DEPDC5: variants seen among roughly 807,000 people sequenced by gnomAD.
DEPDC5 encodes the protein DEP domain containing 5, GATOR1 subcomplex subunit, also known as GATOR1 complex protein DEPDC5.
Under a neutral mutation model 217.3 loss-of-function variants are expected in DEPDC5, and 73 were observed. That is an observed-to-expected ratio of 0.34 (90% CI 0.28 to 0.41). The LOEUF (loss-of-function observed/expected upper bound fraction) is 0.41, where lower values mean the gene tolerates loss of function less well. DEPDC5 is among the 10% of genes least tolerant of loss of function. DEPDC5 has a pLI of 1.00. For synonymous variants in DEPDC5, 733 were observed against 756.7 expected (o/e 0.97, Z 0.51); for missense variants, 1,675 against 2,070.1 (o/e 0.81, Z 3.70).
Position 31,819,059 on chromosome 22 carries a change from C to A in DEPDC5, c.1704C>A (p.Asp568Glu). The A allele has an allele frequency of 6.2e-7, 1 of 1,614,212 alleles. No homozygotes were observed. Among genetic ancestry groups the A allele is most frequent in the East Asian group, 2.2e-5 (1 of 44,888 alleles). The change falls in exon 22 of 43, where the codon GAC becomes GAA. Residue 568 changes from aspartate (D) to glutamate (E), a missense_variant. This residue lies in a region of DEPDC5 where 628 missense variants were observed against 762.1 expected (regional missense o/e 0.82). Coordinates refer to ENST00000651528, the MANE Select transcript of DEPDC5 (RefSeq NM_001242896.3). The stretch of plus-strand genomic sequence containing the variant: ...ACATGATGGAGCCACCACAGCGAGA[C>A]TCCAGTGCACCAGGGAGGTTTCACG... The part of the protein sequence containing the change: ...LENMMEPPQR[D>E]SSAPGRFHVG...
rs1170258223 is a variant in DEPDC5 at position 31,906,515 on chromosome 22, G to GCAC, written c.*19_*20insACC. On this transcript the variant is annotated 3_prime_UTR_variant, in exon 43 of 43. Transcript: ENST00000651528. The surrounding 1 kb of genome is among the most constrained non-coding windows in gnomAD (Gnocchi z 5.1). ...CCCCGTGAGGCCAGGCTGCACCTGT[G>GCAC]CTGGGGGAAGGTGGGTGAGCCACTG... 1.2e-6 allele frequency: 2 copies of GCAC among 1,610,210 alleles called. No homozygotes were observed. Among genetic ancestry groups the GCAC allele is most frequent in the Middle Eastern group, 1.7e-4 (1 of 6,040 alleles).
chr22:31,854,508 G>A (rs1237516397), intron 31 of DEPDC5, among the ~76,000 whole-genome samples: 1 of 152,180 alleles, frequency 6.6e-6, no homozygotes, highest in Admixed American at 6.5e-5. Context: ...TAATTGGTGT[G>A]GGGAAGTTTC....
intron 34 of DEPDC5, among the ~76,000 whole-genome samples, chr22:31,872,731 A>G (rs1271943567): frequency 7.0e-6 from 1 of 142,928 alleles, no homozygotes; most frequent in Non-Finnish European, 1.5e-5. Context: ...CTAAATGTGG[A>G]CATTTTTTAT....
rs1043291594 is a variant in DEPDC5 at position 31,843,287 on chromosome 22, C to T, written c.2633+75C>T. ...CACATACTAAATTGTGTGTATAGTACATCATTCAAACTGAGGAAGTTCAGT... is the reference window on the plus strand; with the variant it reads ...CACATACTAAATTGTGTGTATAGTATATCATTCAAACTGAGGAAGTTCAGT... On this transcript the variant is annotated intron_variant, in intron 28 of 42. Transcript: ENST00000651528. The T allele has an allele frequency of 3.6e-6, 5 of 1,404,852 alleles. No homozygotes were observed. The African/African-American group carries it at 7.2e-5, about 20-fold the overall frequency. 87.0% of individuals were successfully genotyped at this position (1,404,852 alleles called of 1,614,324 possible).
intron 38 of DEPDC5, chr22:31,891,227 G>T: frequency 1.7e-6 from 1 of 586,340 alleles, no homozygotes; most frequent in South Asian, 1.5e-5. Flanking sequence ...CCAAGTCATC[G>T]ACAATAACGT....
At chr22:31,867,735 T>C (rs772088525) in intron 33 of DEPDC5, among the ~76,000 whole-genome samples, 21 of 152,212 alleles carry the variant, frequency 1.4e-4, no homozygotes, top group Non-Finnish European at 2.6e-4. Flanking sequence ...TCTGGTCTCT[T>C]GCAAAAAATG....
chr22:31,768,987 A>C (rs990321655), intron 7 of DEPDC5, 124 bp downstream of exon 7: 3 of 1,265,194 alleles, frequency 2.4e-6, no homozygotes, highest in Non-Finnish European at 3.4e-6. Context: ...TTGGCTGGCC[A>C]CAGTGGCTCA....
At chr22:31,885,610 A>G (rs143389713) in intron 38 of DEPDC5, among the ~76,000 whole-genome samples, 6,569 of 151,820 alleles carry the variant, frequency 0.043, 200 homozygotes, top group Non-Finnish European at 0.049. Context: ...CTGTAGTCCC[A>G]GCTACTCGGG....
chr22:31,830,630 CGTGT>C (rs34078350), intron 24 of DEPDC5, among the ~76,000 whole-genome samples: 7,163 of 142,460 alleles, frequency 0.05, 199 homozygotes, highest in African/African-American at 0.073. Flanking sequence ...TATGCGTGTA[CGTGT>C]GTGTGTGTGT....
chr22:31,854,107 A>G (rs924803677), intron 31 of DEPDC5, among the ~76,000 whole-genome samples: 1 of 152,194 alleles, frequency 6.6e-6, no homozygotes, highest in African/African-American at 2.4e-5. Context: ...ATACCTGAGC[A>G]TGCCCTCATG....
chr22:31,882,956 A>G (rs1383513094), intron 38 of DEPDC5, among the ~76,000 whole-genome samples: 2 of 152,140 alleles, frequency 1.3e-5, no homozygotes, highest in African/African-American at 2.4e-5. Flanking sequence ...GTTCAACGAA[A>G]GGAATTATTC....
Position 31,767,534 on chromosome 22 carries a change from A to G in DEPDC5, c.363+866A>G, listed in dbSNP as rs958710705. Among the ~76,000 whole-genome samples, 5 of 152,028 alleles carry G rather than the reference A, an allele frequency of 3.3e-5. No homozygotes were observed. The East Asian group carries it at 7.7e-4, about 23-fold the overall frequency. On this transcript the variant is annotated intron_variant, in intron 6 of 42. Coordinates refer to ENST00000651528, the MANE Select transcript of DEPDC5 (RefSeq NM_001242896.3). ...GGTCTCGAACTCCAGACCTCAGGCAATCTGCCCGCCTCGGCCTCCCAAAGT... is the reference window on the plus strand; with the variant it reads ...GGTCTCGAACTCCAGACCTCAGGCAGTCTGCCCGCCTCGGCCTCCCAAAGT...
chr22:31,779,894 G>C (rs1187003189), intron 8 of DEPDC5, among the ~76,000 whole-genome samples: 2 of 152,096 alleles, frequency 1.3e-5, no homozygotes, highest in East Asian at 3.8e-4. Flanking sequence ...AGGGAAGAGA[G>C]ACAAGAGAGG....
intron 20 of DEPDC5, among the ~76,000 whole-genome samples, chr22:31,811,788 C>T (rs2148719600): frequency 6.6e-6 from 1 of 152,166 alleles, no homozygotes; most frequent in South Asian, 2.1e-4. Flanking sequence ...TGAAGCCATC[C>T]TCCCGCCTTA....
chr22:31,905,451 C>T (rs2093739185), intron 41 of DEPDC5, among the ~76,000 whole-genome samples: 3 of 151,710 alleles, frequency 2.0e-5, no homozygotes, highest in Admixed American at 2.0e-4. Context: ...GCACTCCAGT[C>T]TGGGCAACAG....
intron 6 of DEPDC5, among the ~76,000 whole-genome samples, chr22:31,767,594 T>G (rs1360350165): frequency 6.8e-6 from 1 of 147,668 alleles, no homozygotes; most frequent in Non-Finnish European, 1.5e-5. Flanking sequence ...CGCTCCCAGC[T>G]TTTTTTTTGT....
Position 31,798,640 on chromosome 22 carries a change from C to A in DEPDC5, c.930C>A (p.Ile310=), listed in dbSNP as rs1037232699. 1 of 1,611,478 alleles carries A rather than the reference C, an allele frequency of 6.2e-7. No homozygotes were observed. The highest frequency in any genetic ancestry group is 1.3e-5 in the African/African-American group (1 of 74,856). The change falls in exon 14 of 43, where the codon ATC becomes ATA. Residue 310 remains isoleucine, a synonymous_variant. Transcript: ENST00000651528. ...CACAAGGAAACTACCTGGAGGCCAT[C>A]AATCTGTCATTCAATGGTGAGTAAG... ...TSAQGNYLEA[I]NLSFNVFDKH...
chr22:31,788,822 C>T (rs12166668), intron 10 of DEPDC5, among the ~76,000 whole-genome samples: 1,840 of 152,054 alleles, frequency 0.012, 41 homozygotes, highest in African/African-American at 0.041. Flanking sequence ...GTGATCCGCC[C>T]GCCTTGGCCT....
rs1379301513 is a variant in DEPDC5 at position 31,896,743 on chromosome 22, G to A, written c.4204-739G>A. Among the ~76,000 whole-genome samples the A allele has an allele frequency of 2.0e-5, 3 of 152,272 alleles. No homozygotes were observed. The East Asian group carries it at 5.8e-4, about 29-fold the overall frequency. ...CTTACCATTATCAGAAGCCACTGTG[G>A]TCATTTCCCCTCCTCCATCACATTT... On this transcript the variant is annotated intron_variant, in intron 39 of 42. Transcript: ENST00000651528.
Sources: gnomAD v4.1 joint callset for allele counts (sites outside exome capture counted in the v4.1 genomes callset) on GRCh38, gnomAD v4.1.1 for gene constraint, gnomAD v4.1.1 regional missense constraint, Gnocchi (gnomAD v3.1) non-coding constraint, MANE v1.5 for transcripts, NCBI Gene and HGNC (gene_info 2026-07-23, HGNC 2026-07-21) for gene names.